The following EYA4 variants were observed in gnomAD, a reference collection of about 807,000 sequenced individuals.
EYA4 encodes EYA transcriptional coactivator and phosphatase 4.
Under a neutral mutation model 87.9 loss-of-function variants are expected in EYA4, and 31 were observed. That is an observed-to-expected ratio of 0.35 (90% CI 0.27 to 0.48). The LOEUF (loss-of-function observed/expected upper bound fraction) is 0.48, where lower values mean the gene tolerates loss of function less well. Ranked by LOEUF, EYA4 falls within the 20% of genes least tolerant of loss-of-function variation. The pLI, the probability that EYA4 is intolerant of heterozygous loss-of-function variation, is 0.99. For synonymous variants in EYA4, 263 were observed against 270.6 expected (o/e 0.97, Z 0.28); for missense variants, 678 against 761.4 (o/e 0.89, Z 1.29).
intron 13 of EYA4, among the ~76,000 whole-genome samples, chr6:133,483,725 ATT>A (rs1172957913): frequency 9.0e-4 from 63 of 69,868 alleles, no homozygotes; most frequent in Non-Finnish European, 1.8e-3. Context: ...TATTATTATT[ATT>A]ATTATTATTA....
At chr6:133,461,538 A>G (rs1346846563) in intron 7 of EYA4, among the ~76,000 whole-genome samples, 4 of 152,162 alleles carry the variant, frequency 2.6e-5, no homozygotes. Context: ...TTTGAAGAAT[A>G]TGCCTTATTG....
intron 17 of EYA4, among the ~76,000 whole-genome samples, chr6:133,519,416 A>T (rs1799903045): frequency 7.1e-6 from 1 of 141,546 alleles, no homozygotes; most frequent in African/African-American, 2.9e-5. Flanking sequence ...ACATTCCTCG[A>T]CACATACACT....
intron 9 of EYA4, among the ~76,000 whole-genome samples, chr6:133,463,278 C>T (rs1794557682): frequency 6.6e-6 from 1 of 151,480 alleles, no homozygotes; most frequent in Admixed American, 6.6e-5. Flanking sequence ...AATATTTACT[C>T]TCCAATCCTC....
intron 13 of EYA4, among the ~76,000 whole-genome samples, chr6:133,483,317 T>C (rs1016343796): frequency 6.6e-6 from 1 of 152,194 alleles, no homozygotes; most frequent in Non-Finnish European, 1.5e-5. Context: ...ATTGAATTCC[T>C]TGCTATTTCT....
At chr6:133,350,838 A>G (rs1421532618) in intron 2 of EYA4, among the ~76,000 whole-genome samples, 2 of 152,070 alleles carry the variant, frequency 1.3e-5, no homozygotes, top group African/African-American at 4.8e-5. Flanking sequence ...TTCCATTTCT[A>G]TACATTTCAT....
At chr6:133,324,966 A>T (rs1444673956) in intron 2 of EYA4, among the ~76,000 whole-genome samples, 1 of 129,214 alleles carries the variant, frequency 7.7e-6, no homozygotes, top group East Asian at 2.3e-4. Flanking sequence ...ACTGGAGTGC[A>T]GTGGCACAAT....
At chr6:133,448,050 T>C (rs1793031306) in intron 4 of EYA4, 61 bp from the exon 5 acceptor site, 1 of 1,267,492 alleles carries the variant, frequency 7.9e-7, no homozygotes, top group Non-Finnish European at 1.2e-6. Flanking sequence ...GCATTGAAGA[T>C]TATTCATATC....
chr6:133,495,744 G>T (rs1206150590), intron 13 of EYA4, among the ~76,000 whole-genome samples: 1 of 152,156 alleles, frequency 6.6e-6, no homozygotes, highest in Admixed American at 6.5e-5. Flanking sequence ...AACCTGCAGG[G>T]CCTGTTGAGC....
At chr6:133,241,285 C>G (rs1773916797), upstream of EYA4, 1 of 152,076 alleles carries the variant, frequency 6.6e-6, no homozygotes. Flanking sequence ...ACGTCGCCCC[C>G]GCCCCACCTC....
chr6:133,321,156 T>C (rs1019570703), intron 2 of EYA4, among the ~76,000 whole-genome samples: 1 of 152,234 alleles, frequency 6.6e-6, no homozygotes, highest in Non-Finnish European at 1.5e-5. Context: ...TTGTTAGTAA[T>C]CTGTTTTGTC....
In EYA4 at chr6:133,457,867, G is replaced by A. The variant is rs911140696; in HGVS notation, c.370+1219G>A. On this transcript the variant is annotated intron_variant, in intron 6 of 19. Transcript: ENST00000355286. Reference sequence around the variant, plus strand: ...AACTTATTGCTGACCTACTTCAGTAGTATACTACAAGTTAATTGAAAGCTG... The same window carrying A: ...AACTTATTGCTGACCTACTTCAGTAATATACTACAAGTTAATTGAAAGCTG... Among the ~76,000 whole-genome samples the A allele has an allele frequency of 5.3e-5, 8 of 152,264 alleles. No individual in the cohort carries two copies. In the South Asian group the frequency reaches 1.2e-3, roughly 24 times the overall value.
chr6:133,351,026 G>A (rs1783600735), intron 2 of EYA4, among the ~76,000 whole-genome samples: 1 of 151,132 alleles, frequency 6.6e-6, no homozygotes, highest in Non-Finnish European at 1.5e-5. Flanking sequence ...AACATTTTAG[G>A]AGATGCTGGA....
chr6:133,491,535 A>T (rs1797152033), intron 13 of EYA4, among the ~76,000 whole-genome samples: 1 of 152,194 alleles, frequency 6.6e-6, no homozygotes, highest in Non-Finnish European at 1.5e-5. Context: ...ACATGCCAAT[A>T]AACTGGAAAA....
chr6:133,376,416 A>G (rs77162900), intron 2 of EYA4, among the ~76,000 whole-genome samples: 4,614 of 151,952 alleles, frequency 0.03, 211 homozygotes, highest in African/African-American at 0.1. Context: ...CTCAATTATT[A>G]ATGCTCATTT....
intron 3 of EYA4, among the ~76,000 whole-genome samples, chr6:133,433,475 T>C (rs1791368199): frequency 6.6e-6 from 1 of 152,206 alleles, no homozygotes; most frequent in Non-Finnish European, 1.5e-5. Flanking sequence ...GTCCTTGGCA[T>C]TGTGCTTTTC....
chr6:133,367,856 A>T (rs953081476), intron 2 of EYA4, among the ~76,000 whole-genome samples: 6 of 152,166 alleles, frequency 3.9e-5, no homozygotes. Context: ...ACATGGGGTA[A>T]TGAAAACCGT....
intron 3 of EYA4, among the ~76,000 whole-genome samples, chr6:133,384,984 G>C (rs558317144): frequency 6.6e-6 from 1 of 152,044 alleles, no homozygotes; most frequent in Non-Finnish European, 1.5e-5. Flanking sequence ...ATACATATAT[G>C]GGTACATTCT....
In EYA4 at chr6:133,348,261, GTTTTTTTTTTTTT is replaced by G. The variant is rs35905853; in HGVS notation, c.34-34114_34-34102del. ...ATCTTCCTCCTCATCTCTTCAAGTA[GTTTTTTTTTTTTT>G]TTTTTTTTTTTTTTTTGGAGACAGA... On this transcript the variant is annotated intron_variant, in intron 2 of 19. Transcript: ENST00000355286. Among the ~76,000 whole-genome samples the G allele has an allele frequency of 3.8e-3, 258 of 68,794 alleles. 4 individuals are homozygous for G. Among genetic ancestry groups the G allele is most frequent in the African/African-American group, 0.015 (237 of 15,518 alleles). 45.1% of individuals were successfully genotyped at this position (68,794 alleles called of 152,430 possible).
chr6:133,336,596 A>C (rs977422031), intron 2 of EYA4, among the ~76,000 whole-genome samples: 1 of 152,266 alleles, frequency 6.6e-6, no homozygotes, highest in African/African-American at 2.4e-5. Context: ...CAAACAAACA[A>C]TTGTATTTTG....
Sources: allele counts gnomAD v4.1 joint callset (sites outside exome capture counted in the v4.1 genomes callset), GRCh38; gene constraint gnomAD v4.1.1; transcripts MANE v1.5; gene names NCBI Gene and HGNC (gene_info 2026-07-23, HGNC 2026-07-21).